SLC41A1: variants seen among roughly 807,000 people sequenced by gnomAD.
SLC41A1 encodes the protein solute carrier family 41 member 1, also known as solute carrier family 41 (magnesium transporter), member 1.
In SLC41A1, 20 loss-of-function variants were observed where a neutral mutation model predicts 47.3. The ratio of observed to expected loss-of-function variants is 0.42; its 90% CI spans 0.30 to 0.61. SLC41A1 has a LOEUF of 0.61. Ranked by LOEUF, SLC41A1 falls within the 20% of genes least tolerant of loss-of-function variation. SLC41A1 has a pLI of 0.17. For missense variants in SLC41A1, 504 were observed against 674.1 expected, an observed-to-expected ratio of 0.75 and a Z score of 2.79; for synonymous variants, 282 against 272.7, an observed-to-expected ratio of 1.03 and a Z score of -0.34.
intron 2 of SLC41A1, chr1:205,801,295 T>C: frequency 2.0e-6 from 1 of 493,270 alleles, no homozygotes; most frequent in Non-Finnish European, 3.7e-6. Flanking sequence ...TTTCTGCCGG[T>C]TGGGAGACTC....
At chr1:205,808,168 C>T (rs1656059387) in intron 2 of SLC41A1, among the ~76,000 whole-genome samples, 1 of 152,130 alleles carries the variant, frequency 6.6e-6, no homozygotes, top group Admixed American at 6.6e-5. Flanking sequence ...GTTGGCCAGA[C>T]TGGTCTCAAA....
chr1:205,793,350 T>C (rs1294034063), intron 10 of SLC41A1, among the ~76,000 whole-genome samples: 3 of 152,196 alleles, frequency 2.0e-5, no homozygotes, highest in African/African-American at 7.2e-5. Context: ...TCATGGGTGA[T>C]GGCACTGAGG....
chr1:205,795,641 G>A (rs920670147), intron 8 of SLC41A1, 163 bp from the exon 9 acceptor site: 6 of 861,504 alleles, frequency 7.0e-6, no homozygotes, highest in Non-Finnish European at 1.1e-5. Flanking sequence ...CAAAAGAAGA[G>A]TAAGGCACTA....
chr1:205,804,233 A>T (rs999855735), intron 2 of SLC41A1, among the ~76,000 whole-genome samples: 1 of 152,298 alleles, frequency 6.6e-6, no homozygotes, highest in Admixed American at 6.5e-5. Context: ...CCTATAAGGC[A>T]AGAACCTCTC....
In SLC41A1 at chr1:205,791,618, C is replaced by G; in HGVS notation, c.1457G>C (p.Gly486Ala). Residue 486 changes from glycine (G) to alanine (A), a missense_variant, in exon 11 of 11, where the codon GGG becomes GCG. By Grantham distance (60) the Gly-to-Ala change is moderately conservative. This residue lies in a region of SLC41A1 where 421 missense variants were observed against 601.6 expected (regional missense o/e 0.70). Transcript: ENST00000367137. The surrounding 1 kb of genome is among the most constrained non-coding windows in gnomAD (Gnocchi z 4.0). The part of the protein sequence containing the change: ...NFSIPYLTAL[G>A]DLLGTGLLAL... ...TAGGAGCCCAGTGCCAAGCAGGTCCCCCAGAGCAGTCAAGTATGGGATGGA... is the reference window on the plus strand; with the variant it reads ...TAGGAGCCCAGTGCCAAGCAGGTCCGCCAGAGCAGTCAAGTATGGGATGGA... The G allele has an allele frequency of 6.2e-7, 1 of 1,614,146 alleles. No homozygotes were observed. The highest frequency in any genetic ancestry group is 1.1e-5 in the South Asian group (1 of 91,082).
chr1:205,800,127 C>T (rs1390173313), intron 3 of SLC41A1, among the ~76,000 whole-genome samples: 2 of 152,232 alleles, frequency 1.3e-5, no homozygotes, highest in African/African-American at 4.8e-5. Context: ...CCCTGCTTAT[C>T]TGGGCAGCCC....
intron 10 of SLC41A1, among the ~76,000 whole-genome samples, chr1:205,792,647 A>G (rs1184306116): frequency 6.6e-6 from 1 of 152,154 alleles, no homozygotes; most frequent in African/African-American, 2.4e-5. Flanking sequence ...GATGCCCTTG[A>G]TCTAGAATAC....
chr1:205,812,751 G>A, intron 1 of SLC41A1, 57 bp downstream of exon 1: 4 of 986,084 alleles, frequency 4.1e-6, no homozygotes, highest in Non-Finnish European at 4.8e-6. Context: ...TGCGCTGCGC[G>A]CCAGGACTGC....
chr1:205,808,128 G>A (rs1656058379), intron 2 of SLC41A1, among the ~76,000 whole-genome samples: 1 of 152,056 alleles, frequency 6.6e-6, no homozygotes, highest in East Asian at 1.9e-4. Context: ...CTAATTTTTT[G>A]TATTTTTAGT....
rs1447604608 is a variant in SLC41A1 at position 205,810,003 on chromosome 1, C to T, written c.372+67G>A. On this transcript the variant is annotated intron_variant, in intron 2 of 10. Coordinates refer to ENST00000367137, the MANE Select transcript of SLC41A1 (RefSeq NM_173854.6). This position sits in a 1 kb window ranked among gnomAD's most constrained non-coding sequence, Gnocchi z 5.5. Reference sequence around the variant, plus strand: ...CTGACAGGGAGGTAGAGAGGAAGTTCCAAGTTTCCCAGCAGGCAAAGGTGG... The same window carrying T: ...CTGACAGGGAGGTAGAGAGGAAGTTTCAAGTTTCCCAGCAGGCAAAGGTGG... The T allele has an allele frequency of 1.7e-5, 28 of 1,608,326 alleles. No homozygotes were observed. The highest frequency in any genetic ancestry group is 2.2e-5 in the Non-Finnish European group (26 of 1,177,510).
rs771097997 is a variant in SLC41A1 at position 205,797,926 on chromosome 1, T to G, written c.970A>C (p.Ile324Leu). ...TACCTGCTGATGGCCATGGCAATGA[T>G]AACAGGCTCCCAGCCCGAGTACAAC... is the stretch of plus-strand genomic sequence containing the variant. ...EVLYSGWEPV[I>L]IAMAISSVGG... The change falls in exon 7 of 11, where the codon ATC becomes CTC. Residue 324 changes from isoleucine (I) to leucine (L), a missense_variant. Ile to Leu is a conservative substitution (Grantham distance 5). Coordinates refer to ENST00000367137, the MANE Select transcript of SLC41A1 (RefSeq NM_173854.6). 1 of 1,613,820 alleles carries G rather than the reference T, an allele frequency of 6.2e-7. No homozygotes were observed. Among genetic ancestry groups the G allele is most frequent in the Admixed American group, 1.7e-5 (1 of 59,992 alleles).
intron 6 of SLC41A1, 128 bp from the exon 7 acceptor site, chr1:205,798,179 T>A: frequency 1.5e-6 from 2 of 1,369,386 alleles, no homozygotes; most frequent in Non-Finnish European, 1.0e-6. Flanking sequence ...AAACACATTA[T>A]CCCATTTGAT....
chr1:205,813,070 C>T lies in SLC41A1; in HGVS notation c.-909G>A. The T allele has an allele frequency of 3.0e-6, 3 of 985,512 alleles. No homozygotes were observed. The highest frequency in any genetic ancestry group is 2.4e-6 in the Non-Finnish European group (2 of 829,988). 61.0% of individuals were successfully genotyped at this position (985,512 alleles called of 1,614,324 possible). On this transcript the variant is annotated 5_prime_UTR_variant, in exon 1 of 11. Transcript: ENST00000367137. ...CCGGGGAGGGCAGGATATATCGCTT[C>T]GGGCCCGGCGGGGGGGCACCCGGAC...
chr1:205,796,487 C>A, intron 8 of SLC41A1: 1 of 239,896 alleles, frequency 4.2e-6, no homozygotes, highest in Non-Finnish European at 8.3e-6. Context: ...CCATTTTGCA[C>A]ATGCCCAGTT....
chr1:205,806,989 C>G (rs930119459), intron 2 of SLC41A1, among the ~76,000 whole-genome samples: 7 of 152,218 alleles, frequency 4.6e-5, no homozygotes, highest in Admixed American at 2.0e-4. Context: ...AATATGGACT[C>G]CTGCTCAGTT....
rs182440362 is a variant in SLC41A1 at position 205,812,771 on chromosome 1, C to T, written c.-647+37G>A. Reference sequence around the variant, plus strand: ...TGCGCGCCAGGACTGCCGCCCTCCACCACCCCCTCCCCGCCCCAGGACCCC... The same window carrying T: ...TGCGCGCCAGGACTGCCGCCCTCCATCACCCCCTCCCCGCCCCAGGACCCC... On this transcript the variant is annotated intron_variant, in intron 1 of 10. Transcript: ENST00000367137. 313 of 985,782 alleles carry T rather than the reference C, an allele frequency of 3.2e-4. 1 individual carries two copies. The African/African-American group carries it at 5.1e-3, about 16-fold the overall frequency. 61.1% of individuals were successfully genotyped at this position (985,782 alleles called of 1,614,324 possible).
At chr1:205,812,682 G>A (rs1008071358) in intron 1 of SLC41A1, 126 bp downstream of exon 1, 10 of 932,360 alleles carry the variant, frequency 1.1e-5, no homozygotes, top group Non-Finnish European at 1.3e-5. Context: ...CAACCCCGAG[G>A]AGGGAGAGAA....
rs1466374561 is a variant in SLC41A1, at chr1:205,790,965, G to A, written c.*568C>T. 6.0e-6 allele frequency: 1 copy of A among 166,818 alleles called. No homozygotes were observed. Among genetic ancestry groups the A allele is most frequent in the Non-Finnish European group, 1.3e-5 (1 of 76,216 alleles). 10.3% of individuals were successfully genotyped at this position (166,818 alleles called of 1,614,324 possible). On this transcript the variant is annotated 3_prime_UTR_variant, in exon 11 of 11. Coordinates refer to ENST00000367137, the MANE Select transcript of SLC41A1 (RefSeq NM_173854.6). ...TCTTTCTGCGAGTGGGAACGCTTAG[G>A]TCCAGAGGGCAAGAGAACAGAACTG... is the stretch of plus-strand genomic sequence containing the variant.
rs148572450 is a variant in SLC41A1 at position 205,799,090 on chromosome 1, C to T, written c.564G>A (p.Thr188=). ...CGATGGACGCCAGGAAGCCCACCAC[C>T]GTGGCCTGCACCTGGGGACAGGAGT... The part of the protein sequence containing the change: ...GNMALIQVQA[T]VVGFLASIAA... The change falls in exon 5 of 11, where the codon ACG becomes ACA. Residue 188 remains threonine (T), a synonymous_variant. Coordinates refer to ENST00000367137, the MANE Select transcript of SLC41A1 (RefSeq NM_173854.6). 7.8e-5 allele frequency: 126 copies of T among 1,612,140 alleles called. No individual in the cohort carries two copies. In the African/African-American group the frequency reaches 1.3e-3, roughly 17 times the overall value.
Sources: allele counts gnomAD v4.1 joint callset (sites outside exome capture counted in the v4.1 genomes callset), GRCh38; gene constraint gnomAD v4.1.1; regional missense constraint gnomAD v4.1.1; non-coding constraint Gnocchi (gnomAD v3.1); transcripts MANE v1.5; gene names NCBI Gene and HGNC (gene_info 2026-07-23, HGNC 2026-07-21).